Variants in TMPRSS15 observed in about 807,000 individuals in gnomAD.
TMPRSS15 encodes the protein enteropeptidase.
Under a neutral mutation model 125.3 loss-of-function variants are expected in TMPRSS15, and 128 were observed. The observed-to-expected ratio is 1.02, with a 90% CI of 0.89 to 1.18. TMPRSS15 has a LOEUF of 1.18. TMPRSS15 is among the 50% of genes most tolerant of loss of function. The pLI is 0.00. For missense variants in TMPRSS15, 1,283 were observed against 1,212.7 expected, an observed-to-expected ratio of 1.06 and a Z score of -0.86; for synonymous variants, 446 against 423.2, an observed-to-expected ratio of 1.05 and a Z score of -0.66.
intron 1 of TMPRSS15, among the ~76,000 whole-genome samples, chr21:18,415,376 T>C (rs1343997032): frequency 1.3e-5 from 2 of 152,130 alleles, no homozygotes; most frequent in African/African-American, 2.4e-5. Flanking sequence ...ACTTCTCTAG[T>C]TTTGCTTTTA....
intron 21 of TMPRSS15, among the ~76,000 whole-genome samples, chr21:18,292,361 G>A (rs1022981360): frequency 2.0e-5 from 3 of 152,098 alleles, no homozygotes; most frequent in Admixed American, 2.0e-4. Context: ...CTCTGCGACT[G>A]GCCTTGAATT....
In TMPRSS15 at chr21:18,323,413, T is replaced by C. The variant is rs545052114; in HGVS notation, c.1921+3019A>G. On this transcript the variant is annotated intron_variant, in intron 16 of 24. Coordinates refer to ENST00000284885, the MANE Select transcript of TMPRSS15 (RefSeq NM_002772.3). The stretch of plus-strand genomic sequence containing the variant: ...GAGCATGTGCAGGGAAACTCCTTTT[T>C]ATAAAACCATCAGATCTCATGAGAC... Among the ~76,000 whole-genome samples, 5 of 152,278 alleles carry C rather than the reference T, an allele frequency of 3.3e-5. No homozygotes were observed. In the South Asian group the frequency reaches 1.0e-3, roughly 32 times the overall value.
chr21:18,288,870 A>G (rs549698577), intron 21 of TMPRSS15, among the ~76,000 whole-genome samples: 2 of 152,182 alleles, frequency 1.3e-5, no homozygotes, highest in East Asian at 3.9e-4. Context: ...ATATTACCAT[A>G]ATCTTAAAAT....
chr21:18,322,644 T>A (rs1204128976), intron 16 of TMPRSS15, among the ~76,000 whole-genome samples: 1 of 152,192 alleles, frequency 6.6e-6, no homozygotes, highest in Non-Finnish European at 1.5e-5. Flanking sequence ...AAATGTTGCA[T>A]GTTCTCATTC....
intron 1 of TMPRSS15, among the ~76,000 whole-genome samples, chr21:18,418,904 A>G (rs888549645): frequency 2.6e-5 from 4 of 152,324 alleles, no homozygotes; most frequent in Non-Finnish European, 4.4e-5. Context: ...GGATTGCCTC[A>G]TTAAAAAATG....
chr21:18,299,856 G>A (rs2074946602), intron 18 of TMPRSS15, among the ~76,000 whole-genome samples: 1 of 152,332 alleles, frequency 6.6e-6, no homozygotes, highest in South Asian at 2.1e-4. Context: ...CTCTAGGGTA[G>A]GGTCCGGCTA....
intron 16 of TMPRSS15, among the ~76,000 whole-genome samples, chr21:18,321,349 CT>C (rs751011766): frequency 5.1e-4 from 51 of 100,584 alleles, no homozygotes; most frequent in Middle Eastern, 0.015. Flanking sequence ...TTTTTTCCTT[CT>C]TTTTTTTTTT....
chr21:18,423,069 C>T (rs886590144), intron 1 of TMPRSS15, among the ~76,000 whole-genome samples: 3 of 152,142 alleles, frequency 2.0e-5, no homozygotes, highest in African/African-American at 7.2e-5. Flanking sequence ...CTCTGCAGTT[C>T]ACCAAAGGCA....
intron 1 of TMPRSS15, among the ~76,000 whole-genome samples, chr21:18,409,450 G>T (rs1359701593): frequency 6.6e-6 from 1 of 151,508 alleles, no homozygotes; most frequent in Admixed American, 6.6e-5. Context: ...ATGGGGTTAG[G>T]GTCCAATTTT....
At chr21:18,318,953 TTG>T (rs1343348753) in intron 16 of TMPRSS15, among the ~76,000 whole-genome samples, 1 of 152,196 alleles carries the variant, frequency 6.6e-6, no homozygotes. Flanking sequence ...TGTTAAAAGA[TTG>T]ATATGCCTCA....
chr21:18,307,175 G>A (rs1397953980), intron 18 of TMPRSS15, among the ~76,000 whole-genome samples: 1 of 152,128 alleles, frequency 6.6e-6, no homozygotes, highest in African/African-American at 2.4e-5. Context: ...AGAGCACTAT[G>A]GAGACTATTT....
chr21:18,386,219 T>C (rs1030055970), intron 3 of TMPRSS15, among the ~76,000 whole-genome samples: 1 of 152,156 alleles, frequency 6.6e-6, no homozygotes, highest in African/African-American at 2.4e-5. Flanking sequence ...ATGAGGACAC[T>C]GAGGCTTAGA....
chr21:18,392,039 G>A (rs2075995178), intron 3 of TMPRSS15, among the ~76,000 whole-genome samples: 1 of 152,220 alleles, frequency 6.6e-6, no homozygotes, highest in Admixed American at 6.5e-5. Flanking sequence ...GTACACAGCA[G>A]TGGGGTCCTG....
At chr21:18,400,065 A>G (rs1267362645) in intron 1 of TMPRSS15, among the ~76,000 whole-genome samples, 3 of 152,134 alleles carry the variant, frequency 2.0e-5, no homozygotes, top group African/African-American at 7.2e-5. Flanking sequence ...AAACACTGCT[A>G]TAAAAATCAG....
intron 19 of TMPRSS15, among the ~76,000 whole-genome samples, chr21:18,295,770 C>T (rs746124674): frequency 6.6e-6 from 1 of 152,146 alleles, no homozygotes; most frequent in Admixed American, 6.5e-5. Context: ...ATTTCTAACA[C>T]CCCAAGGAAG....
chr21:18,324,224 G>T, intron 16 of TMPRSS15, among the ~76,000 whole-genome samples: 1 of 151,892 alleles, frequency 6.6e-6, no homozygotes, highest in East Asian at 1.9e-4. Context: ...TCAATTTCAG[G>T]AATGTTTATT....
At chr21:18,272,019 G>A (rs1056456269) in intron 24 of TMPRSS15, among the ~76,000 whole-genome samples, 1 of 152,126 alleles carries the variant, frequency 6.6e-6, no homozygotes, top group Admixed American at 6.5e-5. Context: ...CTTTGCTATT[G>A]TAAATAGTGC....
chr21:18,376,642 G>A (rs997738608), intron 5 of TMPRSS15, among the ~76,000 whole-genome samples: 19 of 152,130 alleles, frequency 1.2e-4, no homozygotes, highest in Admixed American at 4.6e-4. Context: ...TAACAGTAAA[G>A]GACTAGAACA....
intron 16 of TMPRSS15, 28 bp from the exon 17 acceptor site, chr21:18,315,284 G>A: frequency 6.4e-7 from 1 of 1,568,078 alleles, no homozygotes; most frequent in Non-Finnish European, 8.8e-7. Flanking sequence ...TTATTGTATA[G>A]GATAAAGAAA....
Sources: gnomAD v4.1 joint callset for allele counts (sites outside exome capture counted in the v4.1 genomes callset) on GRCh38, gnomAD v4.1.1 for gene constraint, MANE v1.5 for transcripts, NCBI Gene and HGNC (gene_info 2026-07-23, HGNC 2026-07-21) for gene names.